Variants in MARK1 observed in about 807,000 individuals in gnomAD.
MARK1 encodes the protein microtubule affinity regulating kinase 1, also known as serine/threonine-protein kinase MARK1.
In MARK1, 40 loss-of-function variants were observed where a neutral mutation model predicts 96.3. That is an observed-to-expected ratio of 0.42 (90% CI 0.32 to 0.54). The LOEUF (loss-of-function observed/expected upper bound fraction) is 0.54, where lower values mean the gene tolerates loss of function less well. MARK1 is among the 20% of genes least tolerant of loss of function. The pLI is 0.16. For synonymous variants in MARK1, 317 were observed against 341.2 expected (o/e 0.93, Z 0.78); for missense variants, 719 against 984.6 (o/e 0.73, Z 3.61).
chr1:220,537,657 G>T (rs1019359647), intron 1 of MARK1, among the ~76,000 whole-genome samples: 15 of 142,914 alleles, frequency 1.0e-4, no homozygotes, highest in African/African-American at 3.5e-4. Context: ...CTGAGGAATC[G>T]CCACACTGAC....
intron 3 of MARK1, 91 bp from the exon 4 acceptor site, chr1:220,598,237 AAGC>A: frequency 2.2e-6 from 1 of 444,998 alleles, no homozygotes; most frequent in African/African-American, 2.1e-5. Context: ...AGCATTTTGT[AAGC>A]AGATTAATTT....
chr1:220,634,799 T>C (rs1374793523), intron 11 of MARK1, among the ~76,000 whole-genome samples: 1 of 152,098 alleles, frequency 6.6e-6, no homozygotes, highest in African/African-American at 2.4e-5. Context: ...GAGTTCTAAA[T>C]AAATATAATT....
Position 220,583,814 on chromosome 1 carries a change from ATTTTTTT to A in MARK1, c.309+2715_309+2721del, listed in dbSNP as rs34848222. 9.8e-4 allele frequency among the ~76,000 whole-genome samples: 103 copies of A among 105,224 alleles called. No homozygotes were observed. The South Asian group carries it at 0.018, about 19-fold the overall frequency. The allele number at this position is 105,224 out of a possible 152,430, so 69.0% of individuals were successfully genotyped here. A position where few individuals can be genotyped will look rare whatever the true frequency, so the allele number is the denominator to read the frequency against. On this transcript the variant is annotated intron_variant, in intron 3 of 17. Transcript: ENST00000366917. ...CAGGTGCATGCACCATGCCTGGCTA[ATTTTTTT>A]TTTTTTTTTTTTTTTTTTGTATTTT...
chr1:220,614,433 C>T (rs1006756416), intron 6 of MARK1, among the ~76,000 whole-genome samples: 42 of 152,100 alleles, frequency 2.8e-4, no homozygotes, highest in African/African-American at 1.0e-3. Flanking sequence ...CTTCAGGAAG[C>T]ATTTCCAACT....
intron 1 of MARK1, among the ~76,000 whole-genome samples, chr1:220,569,050 C>T (rs781705756): frequency 6.6e-6 from 1 of 152,126 alleles, no homozygotes; most frequent in Non-Finnish European, 1.5e-5. Flanking sequence ...TAGTTCTATA[C>T]CATCACCATC....
intron 1 of MARK1, among the ~76,000 whole-genome samples, chr1:220,562,269 A>AGGCTGGT (rs1438260036): frequency 1.3e-5 from 2 of 152,156 alleles, no homozygotes; most frequent in Non-Finnish European, 1.5e-5. Context: ...GTTTGACACC[A>AGGCTGGT]GCCTGGCCAA....
chr1:220,643,408 G>T (rs1668392513), intron 13 of MARK1, among the ~76,000 whole-genome samples: 1 of 152,026 alleles, frequency 6.6e-6, no homozygotes, highest in African/African-American at 2.4e-5. Context: ...GAAAATGAAT[G>T]AACGAAACCT....
chr1:220,599,079 G>A (rs773825088), intron 4 of MARK1, among the ~76,000 whole-genome samples: 1 of 152,032 alleles, frequency 6.6e-6, no homozygotes, highest in East Asian at 1.9e-4. Context: ...TTTGATCATA[G>A]GTTTACAGGC....
At chr1:220,576,939 G>A (rs1432363204) in intron 1 of MARK1, among the ~76,000 whole-genome samples, 1 of 152,100 alleles carries the variant, frequency 6.6e-6, no homozygotes, top group East Asian at 1.9e-4. Context: ...AGAAAGCTGT[G>A]TGGAGGAGAT....
At chr1:220,627,745 T>C in intron 9 of MARK1, 1 of 159,322 alleles carries the variant, frequency 6.3e-6, no homozygotes, top group Non-Finnish European at 1.4e-5. Flanking sequence ...GACAAAATCC[T>C]GAAAATGCCA....
chr1:220,534,593 T>A (rs1269821096), intron 1 of MARK1, among the ~76,000 whole-genome samples: 1 of 152,126 alleles, frequency 6.6e-6, no homozygotes, highest in Non-Finnish European at 1.5e-5. Context: ...ATTTCATCCA[T>A]AGGCACAATA....
chr1:220,560,630 T>C (rs1662604755), intron 1 of MARK1, among the ~76,000 whole-genome samples: 2 of 152,208 alleles, frequency 1.3e-5, no homozygotes, highest in Non-Finnish European at 2.9e-5. Context: ...GTGGAAAGCC[T>C]ATACAGCATG....
chr1:220,613,789 T>G (rs1331827905), intron 6 of MARK1, among the ~76,000 whole-genome samples: 2 of 152,206 alleles, frequency 1.3e-5, no homozygotes, highest in Non-Finnish European at 2.9e-5. Flanking sequence ...GGAATCATAC[T>G]TCAAATTGAT....
chr1:220,663,176 A>G lies in MARK1; in HGVS notation c.*1010A>G, dbSNP rs1277036388. ...GCCTCATTCTCCTGCTATCCTCTTCATTCACCCCTGCCACTGTAATATCTA... is the reference window on the plus strand; with the variant it reads ...GCCTCATTCTCCTGCTATCCTCTTCGTTCACCCCTGCCACTGTAATATCTA... On this transcript the variant is annotated 3_prime_UTR_variant, in exon 18 of 18. Transcript: ENST00000366917. 1.3e-5 allele frequency: 2 copies of G among 152,520 alleles called. No individual in the cohort carries two copies. Among genetic ancestry groups the G allele is most frequent in the African/African-American group, 4.8e-5 (2 of 41,420 alleles). 9.4% of individuals were successfully genotyped at this position (152,520 alleles called of 1,614,324 possible).
rs1226958139 is a variant in MARK1 at position 220,545,437 on chromosome 1, T to TG, written c.51+16566dup. Among the ~76,000 whole-genome samples, 13 of 114,744 alleles carry TG rather than the reference T, an allele frequency of 1.1e-4. No individual in the cohort carries two copies. The East Asian group carries it at 3.7e-3, about 33-fold the overall frequency. The allele number at this position is 114,744 out of a possible 152,430, so 75.3% of individuals were successfully genotyped here. A position where few individuals can be genotyped will look rare whatever the true frequency, so the allele number is the denominator to read the frequency against. The stretch of plus-strand genomic sequence containing the variant: ...TTAAATTCAGTGGGCTGCTTTCTCA[T>TG]GGTTTTTTTTTTTTTTTTTTTTTTT... On this transcript the variant is annotated intron_variant, in intron 1 of 17. Coordinates refer to ENST00000366917, the MANE Select transcript of MARK1 (RefSeq NM_018650.5).
At chr1:220,582,844 T>TA (rs1430772004) in intron 3 of MARK1, among the ~76,000 whole-genome samples, 5 of 152,328 alleles carry the variant, frequency 3.3e-5, no homozygotes, top group African/African-American at 9.6e-5. Flanking sequence ...ATAAAAATGA[T>TA]ACAATTTTGT....
intron 1 of MARK1, 113 bp downstream of exon 1, chr1:220,528,986 G>T: frequency 9.6e-7 from 1 of 1,036,956 alleles, no homozygotes; most frequent in Non-Finnish European, 1.4e-6. Flanking sequence ...CCGCGGCAGG[G>T]TCTCCACCTG....
chr1:220,566,810 T>C (rs1363395041), intron 1 of MARK1, among the ~76,000 whole-genome samples: 1 of 150,592 alleles, frequency 6.6e-6, no homozygotes, highest in Non-Finnish European at 1.5e-5. Flanking sequence ...TACTCAACAC[T>C]GACAACATCT....
intron 13 of MARK1, among the ~76,000 whole-genome samples, chr1:220,649,178 G>A (rs1204137566): frequency 3.3e-5 from 5 of 151,770 alleles, no homozygotes; most frequent in Non-Finnish European, 5.9e-5. Context: ...TTCATAATGC[G>A]TCTGCATAAT....
Sources: gnomAD v4.1 joint callset for allele counts (sites outside exome capture counted in the v4.1 genomes callset) on GRCh38, gnomAD v4.1.1 for gene constraint, MANE v1.5 for transcripts, NCBI Gene and HGNC (gene_info 2026-07-23, HGNC 2026-07-21) for gene names.